The following NFATC3 variants were observed in gnomAD, a reference collection of about 807,000 sequenced individuals.
NFATC3 encodes nuclear factor of activated T cells 3.
Under a neutral mutation model 98.6 loss-of-function variants are expected in NFATC3, and 46 were observed. The ratio of observed to expected loss-of-function variants is 0.47; its 90% CI spans 0.37 to 0.60. The LOEUF is 0.60. Among genes scored for constraint, NFATC3 ranks in the 20% least tolerant of loss-of-function variants. The pLI, the probability that NFATC3 is intolerant of heterozygous loss-of-function variation, is 0.00. For missense variants in NFATC3, 1,256 were observed against 1,295.5 expected, an observed-to-expected ratio of 0.97 and a Z score of 0.47; for synonymous variants, 512 against 472.2, an observed-to-expected ratio of 1.08 and a Z score of -1.09.
chr16:68,190,746 G>C (rs764216635), intron 8 of NFATC3, 22 bp from the exon 9 acceptor site: 22 of 1,575,900 alleles, frequency 1.4e-5, no homozygotes, highest in Non-Finnish European at 1.8e-5. Context: ...AATAATATTT[G>C]CTTTAATCAT....
chr16:68,181,622 A>G, intron 7 of NFATC3, 92 bp downstream of exon 7: 2 of 935,338 alleles, frequency 2.1e-6, no homozygotes, highest in South Asian at 1.5e-5. Context: ...ACTCTTTTGT[A>G]TATTGATTAA....
intron 1 of NFATC3, among the ~76,000 whole-genome samples, chr16:68,098,185 A>G (rs1366242004): frequency 6.6e-6 from 1 of 151,534 alleles, no homozygotes; most frequent in African/African-American, 2.4e-5. Context: ...TTGTCTTTGT[A>G]TGGACACATC....
At chr16:68,097,726 G>C (rs1290057863) in intron 1 of NFATC3, among the ~76,000 whole-genome samples, 1 of 149,518 alleles carries the variant, frequency 6.7e-6, no homozygotes, top group Non-Finnish European at 1.5e-5. Context: ...GCTTTATTGA[G>C]GTAAAATTGA....
chr16:68,166,332 T>G (rs943060453), intron 4 of NFATC3, among the ~76,000 whole-genome samples: 1 of 152,184 alleles, frequency 6.6e-6, no homozygotes, highest in African/African-American at 2.4e-5. Flanking sequence ...CAGCTAGGGT[T>G]GAACATCCAA....
At chr16:68,187,972 G>A (rs867447433) in intron 8 of NFATC3, among the ~76,000 whole-genome samples, 1 of 152,120 alleles carries the variant, frequency 6.6e-6, no homozygotes, top group African/African-American at 2.4e-5. Context: ...TTTCTGTCAA[G>A]GGGCGCCTGC....
intron 9 of NFATC3, among the ~76,000 whole-genome samples, chr16:68,208,880 G>A (rs2041259492): frequency 6.6e-6 from 1 of 152,030 alleles, no homozygotes; most frequent in African/African-American, 2.4e-5. Flanking sequence ...TTTTTTGTCT[G>A]TGTGGATTCT....
chr16:68,169,989 G>A (rs184329574), intron 5 of NFATC3, among the ~76,000 whole-genome samples: 1 of 152,114 alleles, frequency 6.6e-6, no homozygotes, highest in East Asian at 1.9e-4. Context: ...GGGATGTAGA[G>A]AAATTCTAGG....
At chr16:68,115,986 A>G (rs2036257380) in intron 1 of NFATC3, among the ~76,000 whole-genome samples, 1 of 152,108 alleles carries the variant, frequency 6.6e-6, no homozygotes, top group African/African-American at 2.4e-5. Context: ...ACTCATTAGA[A>G]CTTTGTCACT....
chr16:68,107,538 C>CA (rs1345366951), intron 1 of NFATC3, among the ~76,000 whole-genome samples: 1 of 152,116 alleles, frequency 6.6e-6, no homozygotes, highest in East Asian at 1.9e-4. Context: ...GCCTGGCCAA[C>CA]ATGATGAAAC....
chr16:68,224,109 G>A (rs1271578358), intron 9 of NFATC3, among the ~76,000 whole-genome samples: 4 of 143,452 alleles, frequency 2.8e-5, no homozygotes, highest in East Asian at 2.0e-4. Context: ...AGCCGGACAC[G>A]GTGGCATGCA....
chr16:68,190,380 T>C (rs1449527236), intron 8 of NFATC3, among the ~76,000 whole-genome samples: 4 of 152,198 alleles, frequency 2.6e-5, no homozygotes, highest in Admixed American at 1.3e-4. Flanking sequence ...GGGCTTTGTT[T>C]TTTGTTTTAG....
At chr16:68,179,179 G>A (rs2039850102) in intron 6 of NFATC3, among the ~76,000 whole-genome samples, 9 of 152,158 alleles carry the variant, frequency 5.9e-5, no homozygotes, top group Admixed American at 5.9e-4. Flanking sequence ...CTTCCAGGAA[G>A]CCTTCCTTCT....
At chr16:68,095,322 C>T (rs2034957721) in intron 1 of NFATC3, among the ~76,000 whole-genome samples, 1 of 149,556 alleles carries the variant, frequency 6.7e-6, no homozygotes, top group African/African-American at 2.5e-5. Flanking sequence ...GCTGGGATTA[C>T]AGGTGTGCAC....
chr16:68,178,463 T>C (rs1026100610), intron 6 of NFATC3, among the ~76,000 whole-genome samples: 2 of 152,244 alleles, frequency 1.3e-5, no homozygotes, highest in Admixed American at 6.5e-5. Context: ...CTATGTGATA[T>C]AGACACTAGT....
chr16:68,215,708 T>C lies in NFATC3; in HGVS notation c.3107-10642T>C, dbSNP rs564662976. ...TATTTGCTTGCTTGCTTCTTTGAGA[T>C]AGAGAGATTTGCACTTTTTTTTTTT... is the stretch of plus-strand genomic sequence containing the variant. On this transcript the variant is annotated intron_variant, in intron 9 of 9. Transcript: ENST00000346183. Among the ~76,000 whole-genome samples, 75 of 149,308 alleles carry C rather than the reference T, an allele frequency of 5.0e-4. 1 individual carries two copies. Among genetic ancestry groups the C allele is most frequent in the African/African-American group, 1.7e-3 (70 of 40,404 alleles).
At position 68,179,648 on chromosome 16, in the gene NFATC3, C is replaced by T. The variant is rs1203588437; in HGVS notation, c.1916-1827C>T. On this transcript the variant is annotated intron_variant, in intron 6 of 9. Coordinates refer to ENST00000346183, the MANE Select transcript of NFATC3 (RefSeq NM_173165.3). ...TGCTTTGGAATAATTGTACATCAGT[C>T]GGAGAGCTTTAGTAGCAGATAAGGC... is the stretch of plus-strand genomic sequence containing the variant. Among the ~76,000 whole-genome samples, 4 of 152,294 alleles carry T rather than the reference C, an allele frequency of 2.6e-5. No homozygotes were observed. In the East Asian group the frequency reaches 7.7e-4, roughly 29 times the overall value.
At chr16:68,088,427 A>G (rs1000351967) in intron 1 of NFATC3, among the ~76,000 whole-genome samples, 226 of 145,990 alleles carry the variant, frequency 1.5e-3, no homozygotes, top group Non-Finnish European at 2.4e-3. Flanking sequence ...TACATTATAT[A>G]CTCATATACT....
chr16:68,144,395 C>T (rs2037922778), intron 3 of NFATC3, among the ~76,000 whole-genome samples: 1 of 152,048 alleles, frequency 6.6e-6, no homozygotes, highest in South Asian at 2.1e-4. Context: ...ACTAAGCTTC[C>T]CTTATGCCCC....
intron 3 of NFATC3, among the ~76,000 whole-genome samples, chr16:68,153,089 T>C (rs1260168192): frequency 6.6e-6 from 1 of 152,232 alleles, no homozygotes; most frequent in Non-Finnish European, 1.5e-5. Flanking sequence ...GGACTGTGTG[T>C]TATCTTGTTA....
Sources: allele counts gnomAD v4.1 joint callset (sites outside exome capture counted in the v4.1 genomes callset), GRCh38; gene constraint gnomAD v4.1.1; transcripts MANE v1.5; gene names NCBI Gene and HGNC (gene_info 2026-07-23, HGNC 2026-07-21).